The following OSBP variants were observed in gnomAD, a reference collection of about 807,000 sequenced individuals.
OSBP encodes oxysterol binding protein.
OSBP carries 32 observed loss-of-function variants against 96.6 expected under a neutral mutation model. That is an observed-to-expected ratio of 0.33 (90% CI 0.25 to 0.45). The LOEUF (loss-of-function observed/expected upper bound fraction) is 0.45. Ranked by LOEUF, OSBP falls within the 20% of genes least tolerant of loss-of-function variation. The pLI is 1.00. For synonymous variants in OSBP, 369 were observed against 389.6 expected (o/e 0.95, Z 0.62); for missense variants, 653 against 1,029.7 (o/e 0.63, Z 5.01).
At chr11:59,587,473 G>C (rs1860514220) in intron 9 of OSBP, among the ~76,000 whole-genome samples, 1 of 150,532 alleles carries the variant, frequency 6.6e-6, no homozygotes, top group South Asian at 2.1e-4. Context: ...CTGCACTCCA[G>C]ACTGGATGAC....
At chr11:59,604,418 G>A (rs1860755055) in intron 3 of OSBP, among the ~76,000 whole-genome samples, 1 of 152,048 alleles carries the variant, frequency 6.6e-6, no homozygotes, top group Non-Finnish European at 1.5e-5. Flanking sequence ...ATTTAAAAAA[G>A]AGGCTGGGTA....
intron 10 of OSBP, 138 bp from the exon 11 acceptor site, chr11:59,580,407 G>A (rs1291540328): frequency 1.1e-5 from 7 of 647,136 alleles, no homozygotes; most frequent in Admixed American, 2.7e-5. Flanking sequence ...GCTAGCCTTG[G>A]GAATGCTATA....
intron 3 of OSBP, among the ~76,000 whole-genome samples, chr11:59,606,872 CTGGCTAGGAAAA>C (rs1436267151): frequency 6.6e-6 from 1 of 152,068 alleles, no homozygotes; most frequent in Non-Finnish European, 1.5e-5. Flanking sequence ...TAAGCAATAA[CTGGCTAGGAAAA>C]GGGCACAGGC....
intron 9 of OSBP, among the ~76,000 whole-genome samples, chr11:59,593,295 C>A (rs942711253): frequency 1.3e-5 from 2 of 151,946 alleles, no homozygotes; most frequent in East Asian, 3.9e-4. Flanking sequence ...AAGAAAACAC[C>A]ACCAGTTAAG....
chr11:59,610,994 G>A (rs1445987428), intron 1 of OSBP, among the ~76,000 whole-genome samples: 2 of 151,844 alleles, frequency 1.3e-5, no homozygotes, highest in Admixed American at 6.6e-5. Context: ...AATTAGCCAG[G>A]CGTGCGGGTG....
chr11:59,593,384 A>G (rs1860609213), intron 9 of OSBP: 3 of 525,392 alleles, frequency 5.7e-6, no homozygotes, highest in Non-Finnish European at 1.0e-5. Flanking sequence ...TATAGCTAAG[A>G]GGATAAAGAA....
Position 59,594,073 on chromosome 11 carries a change from C to T in OSBP, c.1494G>A (p.Leu498=). 6.2e-7 allele frequency: 1 copy of T among 1,614,106 alleles called. No individual in the cohort carries two copies. The highest frequency in any genetic ancestry group is 8.5e-7 in the Non-Finnish European group (1 of 1,179,996). The change falls in exon 8 of 14, where the codon CTG becomes CTA. Residue 498 remains leucine, a synonymous_variant. Transcript: ENST00000263847. ...VFRTSKPFNP[L]LGETFELDRL... ...GGTCCAGCTCAAAGGTCTCCCCAAG[C>T]AGTGGGTTGAATGGCTTACTGGTGC...
chr11:59,576,507 A>G lies in OSBP; in HGVS notation c.*70T>C. On this transcript the variant is annotated 3_prime_UTR_variant, in exon 14 of 14. Coordinates refer to ENST00000263847, the MANE Select transcript of OSBP (RefSeq NM_002556.3). ...GAAAGCACTTGGTAAGAGAGTCACAACTTCCAGCTTTCCCACACATCCTCT... is the reference window on the plus strand; with the variant it reads ...GAAAGCACTTGGTAAGAGAGTCACAGCTTCCAGCTTTCCCACACATCCTCT... 6.6e-7 allele frequency: 1 copy of G among 1,521,650 alleles called. No homozygotes were observed. The highest frequency in any genetic ancestry group is 2.3e-5 in the East Asian group (1 of 44,340). The allele number at this position is 1,521,650 out of a possible 1,614,324, so 94.3% of individuals were successfully genotyped here.
intron 9 of OSBP, 88 bp downstream of exon 9, chr11:59,593,516 C>A (rs1860610879): frequency 6.8e-7 from 1 of 1,465,928 alleles, no homozygotes; most frequent in Non-Finnish European, 9.5e-7. Flanking sequence ...CCTCCTGTCT[C>A]CTGACTCTTT....
At chr11:59,596,450 C>G (rs1019559839) in intron 7 of OSBP, among the ~76,000 whole-genome samples, 2 of 152,134 alleles carry the variant, frequency 1.3e-5, no homozygotes, top group African/African-American at 2.4e-5. Context: ...CCATCAACAA[C>G]CAGTTTCTCC....
At chr11:59,600,423 G>A in intron 7 of OSBP, 73 bp downstream of exon 7, 1 of 1,512,296 alleles carries the variant, frequency 6.6e-7, no homozygotes, top group Non-Finnish European at 9.0e-7. Context: ...GGGTGGGGCT[G>A]TCATATCAGC....
At chr11:59,601,115 C>CAAAAAAAAAAAAAAAAAAAAAAAAAAA (rs11405726) in intron 5 of OSBP, among the ~76,000 whole-genome samples, 168 bp downstream of exon 5, 1 of 113,876 alleles carries the variant, frequency 8.8e-6, no homozygotes. Context: ...GATCTTGAGA[C>CAAAAAAAAAAAAAAAAAAAAAAAAAAA]AAAAAAAAAA....
intron 3 of OSBP, among the ~76,000 whole-genome samples, chr11:59,606,248 G>T (rs975024087): frequency 6.6e-6 from 1 of 152,000 alleles, no homozygotes; most frequent in Non-Finnish European, 1.5e-5. Context: ...TCAATAGATG[G>T]CAGATGAATA....
Position 59,601,658 on chromosome 11 carries a change from T to G in OSBP, c.1003A>C (p.Asn335His), listed in dbSNP as rs757362760. ...GTCTTACCTTTACCAGAACCCACAT[T>G]GCCAGGAGTGTTTGCCGGCAGCACC... is the stretch of plus-strand genomic sequence containing the variant. ...ATVLPANTPG[N>H]VGSGKDQCCS... Residue 335 changes from asparagine (N) to histidine (H), a missense_variant, in exon 4 of 14, where the codon AAT becomes CAT. Physicochemically the swap from Asn to His is moderately conservative, Grantham distance 68. This residue lies in a region of OSBP where 308 missense variants were observed against 573.1 expected (regional missense o/e 0.54). Coordinates refer to ENST00000263847, the MANE Select transcript of OSBP (RefSeq NM_002556.3). The G allele has an allele frequency of 5.0e-6, 8 of 1,612,668 alleles. No homozygotes were observed. The highest frequency in any genetic ancestry group is 1.1e-5 in the South Asian group (1 of 91,010).
chr11:59,597,270 C>T (rs1590673780), intron 7 of OSBP, among the ~76,000 whole-genome samples: 1 of 152,092 alleles, frequency 6.6e-6, no homozygotes, highest in African/African-American at 2.4e-5. Flanking sequence ...GTCTCGAACT[C>T]CTGACCTCAA....
chr11:59,591,565 AT>A (rs1367657385), intron 9 of OSBP, among the ~76,000 whole-genome samples: 7 of 150,814 alleles, frequency 4.6e-5, no homozygotes, highest in African/African-American at 7.3e-5. Flanking sequence ...GGTATTATAT[AT>A]TTTTTGGTCT....
rs1020987135 is a variant in OSBP at position 59,578,234 on chromosome 11, T to G, written c.1975A>C (p.Ile659Leu). ...CGAGCATCACCCCCATTTTCCCCAA[T>G]GACTGGCTGTACTTTGAAACATTCC... ...KMECFKVQPV[I>L]GENGGDARQR... is the part of the protein sequence containing the mutation. Residue 659 changes from isoleucine (I) to leucine (L), a missense_variant, in exon 12 of 14, where the codon ATT becomes CTT. Coordinates refer to ENST00000263847, the MANE Select transcript of OSBP (RefSeq NM_002556.3). The G allele has an allele frequency of 1.9e-6, 3 of 1,614,178 alleles. No homozygotes were observed. Among genetic ancestry groups the G allele is most frequent in the Non-Finnish European group, 2.5e-6 (3 of 1,180,012 alleles).
At chr11:59,600,747 A>C (rs542299053) in intron 6 of OSBP, 72 bp downstream of exon 6, 24 of 1,115,668 alleles carry the variant, frequency 2.2e-5, no homozygotes, top group Admixed American at 1.3e-4. Context: ...GCACTTCACA[A>C]AAAAAAAAAA....
At chr11:59,615,249 T>C in intron 1 of OSBP, 54 bp downstream of exon 1, 2 of 1,449,268 alleles carry the variant, frequency 1.4e-6, no homozygotes, top group South Asian at 2.3e-5. Context: ...GAGCTGGGAC[T>C]GTTGGCAGAT....
Sources: allele counts gnomAD v4.1 joint callset (sites outside exome capture counted in the v4.1 genomes callset), GRCh38; gene constraint gnomAD v4.1.1; regional missense constraint gnomAD v4.1.1; transcripts MANE v1.5; gene names NCBI Gene and HGNC (gene_info 2026-07-23, HGNC 2026-07-21).